ZNF765: variants seen among roughly 807,000 people sequenced by gnomAD.
ZNF765 encodes zinc finger protein 765.
Under a neutral mutation model 44.7 loss-of-function variants are expected in ZNF765, and 37 were observed. The observed-to-expected ratio is 0.83, with a 90% confidence interval of 0.64 to 1.09. ZNF765 has a LOEUF of 1.09. Among genes scored for constraint, ZNF765 ranks in the 50% least tolerant of loss-of-function variants. ZNF765 has a pLI of 0.00. For synonymous variants in ZNF765, 201 were observed against 213.7 expected, an observed-to-expected ratio of 0.94 and a Z score of 0.52; for missense variants, 594 against 626.1, an observed-to-expected ratio of 0.95 and a Z score of 0.55.
Position 53,402,181 on chromosome 19 carries a change from G to A in ZNF765, c.132G>A (p.Leu44=). The A allele has an allele frequency of 6.2e-7, 1 of 1,613,240 alleles. No homozygotes were observed. The highest frequency in any genetic ancestry group is 8.5e-7 in the Non-Finnish European group (1 of 1,179,830). Residue 44 remains leucine, a synonymous_variant, in exon 3 of 4, where the codon CTG becomes CTA. Coordinates refer to ENST00000396408, the MANE Select transcript of ZNF765 (RefSeq NM_001040185.3). ...TGATGCTGGAGAATTATAGGAACCT[G>A]GTCTCCCTGGGTGAGGATGACTTCC... The part of the protein sequence containing the change: ...RDVMLENYRN[L]VSLDISSKCM...
chr19:53,421,227 T>A (rs2085905189), intron 3 of ZNF765, among the ~76,000 whole-genome samples: 1 of 152,148 alleles, frequency 6.6e-6, no homozygotes, highest in South Asian at 2.1e-4. Flanking sequence ...TTCGCTCACA[T>A]GTTTTCCTGC....
At chr19:53,405,903 C>CTATATATA (rs10675178) in intron 3 of ZNF765, among the ~76,000 whole-genome samples, 744 of 48,910 alleles carry the variant, frequency 0.015, 66 homozygotes, top group Non-Finnish European at 0.023. Context: ...TTAATACCAA[C>CTATATATA]TATATATATA....
intron 1 of ZNF765, among the ~76,000 whole-genome samples, chr19:53,395,413 G>GTA (rs1229834101): frequency 1.2e-4 from 18 of 152,242 alleles, no homozygotes; most frequent in Admixed American, 1.1e-3. Flanking sequence ...ATAGGGCAAT[G>GTA]TATACACTTT....
chr19:53,405,948 T>TATATATATAA (rs1555832274), intron 3 of ZNF765, among the ~76,000 whole-genome samples: 4 of 123,584 alleles, frequency 3.2e-5, no homozygotes, highest in Non-Finnish European at 6.9e-5. Context: ...TATATATATA[T>TATATATATAA]ATAAAATTGC....
chr19:53,399,256 C>T (rs545661228), intron 2 of ZNF765, among the ~76,000 whole-genome samples: 1 of 138,948 alleles, frequency 7.2e-6, no homozygotes, highest in African/African-American at 2.7e-5. Context: ...CACAACAGTC[C>T]CCAAAATATA....
intron 3 of ZNF765, among the ~76,000 whole-genome samples, chr19:53,402,669 G>T (rs2085739307): frequency 6.6e-6 from 1 of 152,054 alleles, no homozygotes; most frequent in Non-Finnish European, 1.5e-5. Flanking sequence ...TCAAGTGATT[G>T]TCCCACCTGA....
At chr19:53,400,131 A>G (rs1233498497) in intron 2 of ZNF765, among the ~76,000 whole-genome samples, 2 of 152,030 alleles carry the variant, frequency 1.3e-5, no homozygotes, top group Non-Finnish European at 2.9e-5. Flanking sequence ...TATTTTTTCT[A>G]GTCTTCTCCT....
chr19:53,408,104 G>C lies in ZNF765; in HGVS notation c.549G>C (p.Arg183Ser), dbSNP rs1264607411. The C allele has an allele frequency of 6.2e-7, 1 of 1,614,042 alleles. No homozygotes were observed. The highest frequency in any genetic ancestry group is 8.5e-7 in the Non-Finnish European group (1 of 1,179,954). ...CAACAGCCCAAAGAATTTCTTGTAGGCCTGAAACCCATATTTCTAATGACT... is the reference window on the plus strand; with the variant it reads ...CAACAGCCCAAAGAATTTCTTGTAGCCCTGAAACCCATATTTCTAATGACT... The part of the protein sequence containing the change: ...LVSTAQRISC[R>S]PETHISNDYG... The change falls in exon 4 of 4, where the codon AGG becomes AGC. Residue 183 changes from arginine (R) to serine (S), a missense_variant. Transcript: ENST00000396408.
chr19:53,396,588 T>C (rs1415851674), intron 1 of ZNF765, among the ~76,000 whole-genome samples: 2 of 151,040 alleles, frequency 1.3e-5, no homozygotes, highest in Non-Finnish European at 2.9e-5. Flanking sequence ...TACAGACTTT[T>C]TTTTTCTTCA....
chr19:53,425,213 G>C (rs573789094), exon 4 of ZNF765: 1 of 152,204 alleles, frequency 6.6e-6, no homozygotes, highest in Non-Finnish European at 1.5e-5. Context: ...GTTTCCTTCT[G>C]TACCTCCTGA....
chr19:53,402,227 C>T lies in ZNF765; in HGVS notation c.142+36C>T, dbSNP rs766561713. 7.2e-5 allele frequency: 109 copies of T among 1,510,480 alleles called. No individual in the cohort carries two copies. In the East Asian group the frequency reaches 8.8e-4, roughly 12 times the overall value. 93.6% of individuals were successfully genotyped at this position (1,510,480 alleles called of 1,614,324 possible). ...CTTCCCTCCTGGGGATGTGCCCTTG[C>T]GTATCTTTGTATTTTCTCTCCTTTT... On this transcript the variant is annotated intron_variant, in intron 3 of 3. Coordinates refer to ENST00000396408, the MANE Select transcript of ZNF765 (RefSeq NM_001040185.3).
Position 53,408,868 on chromosome 19 carries a change from A to G in ZNF765, c.1313A>G (p.Tyr438Cys), listed in dbSNP as rs1335561679. ...AGACTTCATAGTGGAGAGAAACCTT[A>G]CAAATGTGAAGAATGTGACAAAGCC... ...ICRLHSGEKP[Y>C]KCEECDKAYS... The change falls in exon 4 of 4, where the codon TAC becomes TGC. Residue 438 changes from tyrosine (Y) to cysteine (C), a missense_variant. Physicochemically the swap from Tyr to Cys is radical, Grantham distance 194. This residue lies in a region of ZNF765 where 567 missense variants were observed against 572.6 expected (regional missense o/e 0.99). Coordinates refer to ENST00000396408, the MANE Select transcript of ZNF765 (RefSeq NM_001040185.3). 6.2e-7 allele frequency: 1 copy of G among 1,614,068 alleles called. No homozygotes were observed.
chr19:53,397,760 TG>T, intron 1 of ZNF765, among the ~76,000 whole-genome samples, 182 bp from the exon 2 acceptor site: 1 of 151,860 alleles, frequency 6.6e-6, no homozygotes, highest in African/African-American at 2.4e-5. Flanking sequence ...TGCTGCAGCG[TG>T]TGTGTGGGCT....
At chr19:53,403,395 T>C (rs992715285) in intron 3 of ZNF765, among the ~76,000 whole-genome samples, 28 of 151,224 alleles carry the variant, frequency 1.9e-4, no homozygotes, top group African/African-American at 6.2e-4. Flanking sequence ...CATTTACTAC[T>C]TTTGTGTTTA....
rs542533487 is a variant in ZNF765, at chr19:53,411,326, C to G, written c.*2199C>G. On this transcript the variant is annotated 3_prime_UTR_variant, in exon 4 of 4. Coordinates refer to ENST00000396408, the MANE Select transcript of ZNF765 (RefSeq NM_001040185.3). ...TTTTTTTTTGAGATGGAGTTTCACT[C>G]TTGTTGCCCAGGCTGGACTGCAATG... The G allele has an allele frequency of 6.8e-6, 1 of 146,920 alleles. No individual in the cohort carries two copies. Among genetic ancestry groups the G allele is most frequent in the African/African-American group, 2.6e-5 (1 of 39,086 alleles). 9.1% of individuals were successfully genotyped at this position (146,920 alleles called of 1,614,324 possible).
At chr19:53,396,593 TC>T (rs201920303) in intron 1 of ZNF765, among the ~76,000 whole-genome samples, 7,805 of 152,112 alleles carry the variant, frequency 0.051, 387 homozygotes, top group East Asian at 0.2. Context: ...ACTTTTTTTT[TC>T]TTCACTCTTG....
At position 53,420,344 on chromosome 19, in the gene ZNF765, T is replaced by C. The variant is rs77101068; in HGVS notation, c.143-2718T>C. Among the ~76,000 whole-genome samples the C allele has an allele frequency of 7.4e-3, 1,131 of 152,194 alleles. 17 individuals are homozygous for C. Among genetic ancestry groups the C allele is most frequent in the African/African-American group, 0.026 (1,068 of 41,540 alleles). On this transcript the variant is annotated intron_variant, in intron 3 of 3. Transcript: ENST00000594030. ...AGTATCCATCTCAAAAAATAAAATA[T>C]AAATAAATAAATGTAATCAAATCCA...
exon 4 of ZNF765, chr19:53,426,810 A>G (rs1211427208): frequency 3.9e-5 from 6 of 152,176 alleles, no homozygotes; most frequent in South Asian, 2.1e-4. Flanking sequence ...CCACTAAACC[A>G]GTCCCTGGTG....
In ZNF765 at chr19:53,408,621, A is replaced by G; in HGVS notation, c.1066A>G (p.Lys356Glu). 6.2e-7 allele frequency: 1 copy of G among 1,614,110 alleles called. No homozygotes were observed. Among genetic ancestry groups the G allele is most frequent in the Non-Finnish European group, 8.5e-7 (1 of 1,180,000 alleles). The change falls in exon 4 of 4, where the codon AAG (lysine) becomes GAG (glutamate). Residue 356 changes from lysine to glutamate, a missense_variant. By Grantham distance (56) the Lys-to-Glu change is moderately conservative (BLOSUM62 1). This residue lies in a region of ZNF765 where 567 missense variants were observed against 572.6 expected (regional missense o/e 0.99). Coordinates refer to ENST00000396408, the MANE Select transcript of ZNF765 (RefSeq NM_001040185.3). ...GCTTCATACTGGAGAGAAACCTTAC[A>G]AGTGTAATGAGTGTGGCAAGACCTT... Reference protein sequence around the residue: ...RRLHTGEKPYKCNECGKTFSR... With the variant: ...RRLHTGEKPYECNECGKTFSR...
Sources: gnomAD v4.1 joint callset for allele counts (sites outside exome capture counted in the v4.1 genomes callset) on GRCh38, gnomAD v4.1.1 for gene constraint, gnomAD v4.1.1 regional missense constraint, MANE v1.5 for transcripts, NCBI Gene and HGNC (gene_info 2026-07-23, HGNC 2026-07-21) for gene names.